The following ITGBL1 variants were observed in gnomAD, a reference collection of about 807,000 sequenced individuals.
The protein encoded by ITGBL1 is integrin beta-like protein 1.
Under a neutral mutation model 68.5 loss-of-function variants are expected in ITGBL1, and 51 were observed. The observed-to-expected ratio is 0.74, with a 90% CI of 0.59 to 0.94. ITGBL1 has a LOEUF of 0.94. Among genes scored for constraint, ITGBL1 ranks in the 40% least tolerant of loss-of-function variants. The probability of loss-of-function intolerance (pLI) is 0.00; values close to 1 mark genes in which losing one functional copy is unlikely to be tolerated. For missense variants in ITGBL1, 649 were observed against 647.4 expected (o/e 1.00, Z -0.03); for synonymous variants, 209 against 227.3 (o/e 0.92, Z 0.72).
chr13:101,551,324 T>C (rs1234712786), intron 2 of ITGBL1, among the ~76,000 whole-genome samples: 4 of 152,202 alleles, frequency 2.6e-5, no homozygotes, highest in African/African-American at 9.7e-5. Flanking sequence ...TGATTATATT[T>C]TGTAAAGAAC....
At chr13:101,512,828 G>A (rs2049136875) in intron 2 of ITGBL1, among the ~76,000 whole-genome samples, 1 of 152,128 alleles carries the variant, frequency 6.6e-6, no homozygotes, top group Admixed American at 6.6e-5. Flanking sequence ...TTGAAGCTGG[G>A]ATTCAGAATA....
intron 7 of ITGBL1, among the ~76,000 whole-genome samples, chr13:101,682,856 G>T (rs902441487): frequency 6.6e-6 from 1 of 151,630 alleles, no homozygotes; most frequent in African/African-American, 2.4e-5. Context: ...TTTCTGATTT[G>T]GTGTCATATT....
In ITGBL1 at chr13:101,453,981, G is replaced by C; in HGVS notation, c.197G>C (p.Arg66Pro). 1.3e-6 allele frequency: 2 copies of C among 1,538,140 alleles called. No individual in the cohort carries two copies. Among genetic ancestry groups the C allele is most frequent in the Non-Finnish European group, 1.8e-6 (2 of 1,140,874 alleles). The change falls in exon 2 of 11, where the codon CGG becomes CCG. Residue 66 changes from arginine to proline, a missense_variant. Physicochemically the swap from Arg to Pro is moderately radical, Grantham distance 103 (BLOSUM62 -2). Transcript: ENST00000376180. Reference sequence around the variant, plus strand: ...CCGGGGGCCGCGCTGTGCCACGGCCGGGGCCGCTGCGACTGCGGCGTCTGC... The same window carrying C: ...CCGGGGGCCGCGCTGTGCCACGGCCCGGGCCGCTGCGACTGCGGCGTCTGC... The part of the protein sequence containing the change: ...QPPGAALCHG[R>P]GRCDCGVCIC...
chr13:101,554,026 G>A (rs1393029945), intron 2 of ITGBL1, among the ~76,000 whole-genome samples: 12 of 151,884 alleles, frequency 7.9e-5, no homozygotes, highest in South Asian at 6.2e-4. Flanking sequence ...CTCCTGTCTC[G>A]GCCTCCCAAA....
At chr13:101,588,704 A>AC (rs1046137625) in intron 6 of ITGBL1, among the ~76,000 whole-genome samples, 22 of 152,134 alleles carry the variant, frequency 1.4e-4, no homozygotes, top group Non-Finnish European at 2.9e-4. Context: ...AAAAAAAAAA[A>AC]AAAACCTGAT....
intron 2 of ITGBL1, among the ~76,000 whole-genome samples, chr13:101,474,400 G>A (rs1591449): frequency 0.14 from 21,653 of 152,188 alleles, 2,045 homozygotes; most frequent in East Asian, 0.43. Flanking sequence ...TCAAGTCACA[G>A]CAGAACAGTG....
chr13:101,684,328 C>T (rs565059785), intron 7 of ITGBL1, among the ~76,000 whole-genome samples: 4 of 151,918 alleles, frequency 2.6e-5, no homozygotes, highest in South Asian at 2.1e-4. Flanking sequence ...TAAGTATTTT[C>T]GTTATTGGTG....
chr13:101,498,891 G>A lies in ITGBL1; in HGVS notation c.316+44791G>A, dbSNP rs147169061. On this transcript the variant is annotated intron_variant, in intron 2 of 10. Transcript: ENST00000376180. Reference sequence around the variant, plus strand: ...GCTGGGGAGGCCTCGCAGTCATGGTGGAAGAGAAAAGGCACGTCTTACATG... The same window carrying A: ...GCTGGGGAGGCCTCGCAGTCATGGTAGAAGAGAAAAGGCACGTCTTACATG... Among the ~76,000 whole-genome samples, 335 of 152,252 alleles carry A rather than the reference G, an allele frequency of 2.2e-3. 3 individuals carry two copies. The highest frequency in any genetic ancestry group is 7.7e-3 in the African/African-American group (318 of 41,548).
chr13:101,564,611 GTATATGTTGA>G (rs2050152697), intron 2 of ITGBL1, among the ~76,000 whole-genome samples: 2 of 112,806 alleles, frequency 1.8e-5, no homozygotes, highest in Admixed American at 2.0e-4. Flanking sequence ...GTATATATGT[GTATATGTTGA>G]TATATATATA....
At chr13:101,493,671 A>G (rs1163320463) in intron 2 of ITGBL1, among the ~76,000 whole-genome samples, 1 of 152,170 alleles carries the variant, frequency 6.6e-6, no homozygotes, top group Non-Finnish European at 1.5e-5. Context: ...TTTATTCCAC[A>G]TGCCTGATGA....
At chr13:101,548,304 A>G (rs1737282592) in intron 2 of ITGBL1, among the ~76,000 whole-genome samples, 1 of 151,866 alleles carries the variant, frequency 6.6e-6, no homozygotes, top group Admixed American at 6.6e-5. Context: ...ATACTATGCT[A>G]TTACTAATGG....
At chr13:101,604,901 C>CACACACACACACACAT (rs1566753055) in intron 7 of ITGBL1, among the ~76,000 whole-genome samples, 1 of 90,752 alleles carries the variant, frequency 1.1e-5, no homozygotes, top group Non-Finnish European at 2.4e-5. Context: ...CACACACACA[C>CACACACACACACACAT]ATATATATGT....
At chr13:101,510,548 T>C (rs950790071) in intron 2 of ITGBL1, among the ~76,000 whole-genome samples, 11 of 152,136 alleles carry the variant, frequency 7.2e-5, no homozygotes, top group African/African-American at 2.4e-4. Flanking sequence ...GGTAGCTCTG[T>C]TTTAAGTTCT....
intron 6 of ITGBL1, among the ~76,000 whole-genome samples, chr13:101,596,802 G>C (rs1555360995): frequency 6.7e-6 from 1 of 149,332 alleles, no homozygotes; most frequent in Admixed American, 6.7e-5. Context: ...ATTACCAACT[G>C]AAAAAAAAAC....
rs1386441525 is a variant in ITGBL1, at chr13:101,543,050, T to C, written c.317-24649T>C. ...TGTCTTTTAATTGGAGCATTTAGCC[T>C]ATTTACATTTAAGGTTAATATTGTT... is the stretch of plus-strand genomic sequence containing the variant. On this transcript the variant is annotated intron_variant, in intron 2 of 10. Transcript: ENST00000376180. Among the ~76,000 whole-genome samples the C allele has an allele frequency of 3.3e-5, 5 of 152,318 alleles. No individual in the cohort carries two copies. In the East Asian group the frequency reaches 5.8e-4, roughly 18 times the overall value.
intron 2 of ITGBL1, among the ~76,000 whole-genome samples, chr13:101,501,028 G>A (rs545280134): frequency 1.8e-4 from 27 of 152,262 alleles, no homozygotes; most frequent in African/African-American, 6.5e-4. Flanking sequence ...ACAGTAAAGG[G>A]ATATATAACT....
At chr13:101,564,834 AAAG>A (rs1444395422) in intron 2 of ITGBL1, among the ~76,000 whole-genome samples, 1 of 151,564 alleles carries the variant, frequency 6.6e-6, no homozygotes, top group African/African-American at 2.4e-5. Context: ...AAAATGGGCA[AAAG>A]AAGATAGATG....
At chr13:101,661,931 A>T (rs2033099713) in intron 7 of ITGBL1, among the ~76,000 whole-genome samples, 1 of 152,200 alleles carries the variant, frequency 6.6e-6, no homozygotes, top group African/African-American at 2.4e-5. Context: ...ATGGGCAAGT[A>T]ATCCATCCTT....
chr13:101,462,743 T>C (rs993421411), intron 2 of ITGBL1, among the ~76,000 whole-genome samples: 5 of 152,132 alleles, frequency 3.3e-5, no homozygotes, highest in African/African-American at 1.2e-4. Flanking sequence ...CCCCCACACC[T>C]GGCTAATTTT....
Sources: allele counts gnomAD v4.1 joint callset (sites outside exome capture counted in the v4.1 genomes callset), GRCh38; gene constraint gnomAD v4.1.1; transcripts MANE v1.5; gene names NCBI Gene and HGNC (gene_info 2026-07-23, HGNC 2026-07-21).